Variants in DIXDC1 observed in about 807,000 individuals in gnomAD.
DIXDC1 encodes the protein dixin.
DIXDC1 carries 64 observed loss-of-function variants against 103.1 expected under a neutral mutation model. The ratio of observed to expected loss-of-function variants is 0.62; its 90% confidence interval spans 0.51 to 0.76. DIXDC1 has a LOEUF of 0.76. Ranked by LOEUF, DIXDC1 falls within the 30% of genes least tolerant of loss-of-function variation. The pLI, the probability that DIXDC1 is intolerant of heterozygous loss-of-function variation, is 0.00. For missense variants in DIXDC1, 759 were observed against 834.2 expected (o/e 0.91, Z 1.11); for synonymous variants, 266 against 298.5 (o/e 0.89, Z 1.12).
intron 17 of DIXDC1, among the ~76,000 whole-genome samples, chr11:112,013,926 A>T (rs2137640142): frequency 6.6e-6 from 1 of 152,232 alleles, no homozygotes; most frequent in South Asian, 2.1e-4. Flanking sequence ...GGCAAATGGG[A>T]GTTGGCATGT....
intron 5 of DIXDC1, among the ~76,000 whole-genome samples, chr11:111,978,201 T>A (rs1471386398): frequency 2.6e-5 from 4 of 152,198 alleles, no homozygotes; most frequent in Non-Finnish European, 4.4e-5. Context: ...GATCAGTCAT[T>A]CTCTGACCTC....
intron 17 of DIXDC1, among the ~76,000 whole-genome samples, chr11:112,013,487 A>C (rs1447218083): frequency 6.6e-6 from 1 of 152,150 alleles, no homozygotes; most frequent in East Asian, 1.9e-4. Flanking sequence ...TACTTGATAC[A>C]TAATAAGGCA....
chr11:111,973,192 G>A (rs1330333795), intron 3 of DIXDC1, among the ~76,000 whole-genome samples: 2 of 150,996 alleles, frequency 1.3e-5, no homozygotes, highest in African/African-American at 4.9e-5. Flanking sequence ...CCAACATGGT[G>A]AAACCCCATC....
chr11:111,997,657 C>G (rs1341556815), intron 17 of DIXDC1, among the ~76,000 whole-genome samples: 8 of 152,074 alleles, frequency 5.3e-5, no homozygotes, highest in Non-Finnish European at 7.4e-5. Flanking sequence ...TCATTGATTT[C>G]TTCAGATTAG....
intron 2 of DIXDC1, chr11:111,929,994 C>A: frequency 7.8e-7 from 1 of 1,277,258 alleles, no homozygotes; most frequent in Non-Finnish European, 1.1e-6. Context: ...ATTTCTCCAT[C>A]AGGACTCAGA....
At chr11:111,982,162 A>C (rs1555173286) in intron 6 of DIXDC1, 177 bp from the exon 7 acceptor site, 1 of 567,014 alleles carries the variant, frequency 1.8e-6, no homozygotes, top group African/African-American at 1.9e-5. Context: ...CTGAGGCCTG[A>C]GCTCACAGCC....
Position 111,977,751 on chromosome 11 carries a change from GC to G in DIXDC1, c.656+2771del, listed in dbSNP as rs781949043. Reference sequence around the variant, plus strand: ...CACCCGGGGACGCAGGCTTGCTGAAGCCCGAGACAGGAGGGGGACCATGGGA... The same window carrying G: ...CACCCGGGGACGCAGGCTTGCTGAAGCCGAGACAGGAGGGGGACCATGGGA... On this transcript the variant is annotated intron_variant, in intron 5 of 19. Coordinates refer to ENST00000440460, the MANE Select transcript of DIXDC1 (RefSeq NM_001037954.4). This position sits in a 1 kb window ranked among gnomAD's most constrained non-coding sequence, Gnocchi z 6.1. 15 of 1,563,188 alleles carry G rather than the reference GC, an allele frequency of 9.6e-6. No individual in the cohort carries two copies. The African/African-American group carries it at 1.8e-4, about 19-fold the overall frequency.
At chr11:112,018,722 T>G (rs934595235) in intron 19 of DIXDC1, among the ~76,000 whole-genome samples, 1 of 152,214 alleles carries the variant, frequency 6.6e-6, no homozygotes, top group Admixed American at 6.5e-5. Flanking sequence ...TATTAATTCT[T>G]ACAAATCTCT....
At chr11:111,970,923 T>C (rs974116290) in intron 3 of DIXDC1, among the ~76,000 whole-genome samples, 7 of 152,194 alleles carry the variant, frequency 4.6e-5, no homozygotes, top group Non-Finnish European at 1.5e-5. Flanking sequence ...GCCAGCCATA[T>C]GCAGAAGAAT....
chr11:111,953,389 C>G (rs1966849159), intron 1 of DIXDC1, among the ~76,000 whole-genome samples: 1 of 152,158 alleles, frequency 6.6e-6, no homozygotes, highest in Admixed American at 6.5e-5. Context: ...GTAATCCCAG[C>G]ACTTTGGGAG....
chr11:111,937,248 A>G, upstream of DIXDC1: 1 of 1,247,092 alleles, frequency 8.0e-7, no homozygotes, highest in Non-Finnish European at 1.0e-6. Context: ...GCGCCGCTCA[A>G]CCTAGTGCGC....
chr11:111,997,963 A>G (rs1035474937), intron 17 of DIXDC1, among the ~76,000 whole-genome samples: 1 of 152,198 alleles, frequency 6.6e-6, no homozygotes, highest in Non-Finnish European at 1.5e-5. Context: ...TTAAAAGAAG[A>G]GTCTATATTT....
rs1351786295 is a variant in DIXDC1, at chr11:112,017,237, G to T, written c.1862+441G>T. ...GTCAAAAACCTTCCAGAAAGTTAATGTGCTTCCTTTTAAGGGAAATGGTTT... is the reference window on the plus strand; with the variant it reads ...GTCAAAAACCTTCCAGAAAGTTAATTTGCTTCCTTTTAAGGGAAATGGTTT... On this transcript the variant is annotated intron_variant, in intron 18 of 19. Transcript: ENST00000440460. The surrounding 1 kb of genome is among the most constrained non-coding windows in gnomAD (Gnocchi z 4.0). Among the ~76,000 whole-genome samples, 2 of 152,152 alleles carry T rather than the reference G, an allele frequency of 1.3e-5. No homozygotes were observed. The highest frequency in any genetic ancestry group is 2.9e-5 in the Non-Finnish European group (2 of 68,030).
At chr11:111,930,622 T>G (rs960994070) in intron 2 of DIXDC1, among the ~76,000 whole-genome samples, 2 of 152,306 alleles carry the variant, frequency 1.3e-5, no homozygotes, top group East Asian at 3.9e-4. Flanking sequence ...GCTGTAATTT[T>G]CTTAACCACT....
intron 1 of DIXDC1, among the ~76,000 whole-genome samples, chr11:111,962,546 G>A (rs906482268): frequency 6.6e-6 from 1 of 152,246 alleles, no homozygotes; most frequent in East Asian, 1.9e-4. Flanking sequence ...GTGCATTTGG[G>A]GAACTGTACA....
chr11:112,007,433 T>C (rs1861271022), intron 17 of DIXDC1, among the ~76,000 whole-genome samples: 1 of 151,852 alleles, frequency 6.6e-6, no homozygotes, highest in Admixed American at 6.6e-5. Flanking sequence ...CAGGCCAACA[T>C]CCAAATCTAG....
At chr11:111,953,205 C>T (rs1021089596) in intron 1 of DIXDC1, among the ~76,000 whole-genome samples, 4 of 152,058 alleles carry the variant, frequency 2.6e-5, no homozygotes, top group Non-Finnish European at 5.9e-5. Flanking sequence ...AACTAATGAG[C>T]TTGGTTATGT....
At position 111,974,267 on chromosome 11, in the gene DIXDC1, A is replaced by G. The variant is rs1555172378; in HGVS notation, c.548+13A>G. On this transcript the variant is annotated intron_variant, in intron 4 of 19. Transcript: ENST00000440460. ...GATATAGACAGAGGTAAGGGTAGAA[A>G]TCTGGGGGTGGGAACTGATCCCTCT... 1 of 1,606,436 alleles carries G rather than the reference A, an allele frequency of 6.2e-7. No homozygotes were observed. The highest frequency in any genetic ancestry group is 1.1e-5 in the South Asian group (1 of 89,488).
intron 1 of DIXDC1, among the ~76,000 whole-genome samples, chr11:111,952,153 A>G (rs1352735222): frequency 6.6e-6 from 1 of 152,176 alleles, no homozygotes; most frequent in Non-Finnish European, 1.5e-5. Flanking sequence ...GGCATGAGCC[A>G]CCATGCCCGT....
Sources: allele counts gnomAD v4.1 joint callset (sites outside exome capture counted in the v4.1 genomes callset), GRCh38; gene constraint gnomAD v4.1.1; non-coding constraint Gnocchi (gnomAD v3.1); transcripts MANE v1.5; gene names NCBI Gene and HGNC (gene_info 2026-07-23, HGNC 2026-07-21).